IFT81: variants seen among roughly 807,000 people sequenced by gnomAD.
The protein encoded by IFT81 is intraflagellar transport protein 81 homolog.
Under a neutral mutation model 102.6 loss-of-function variants are expected in IFT81, and 72 were observed. That is an observed-to-expected ratio of 0.70 (90% CI 0.58 to 0.85). The LOEUF (loss-of-function observed/expected upper bound fraction) is 0.85. Ranked by LOEUF, IFT81 falls within the 40% of genes least tolerant of loss-of-function variation. The probability of loss-of-function intolerance (pLI) is 0.00; values close to 1 mark genes in which losing one functional copy is unlikely to be tolerated. For synonymous variants in IFT81, 237 were observed against 242.7 expected, an observed-to-expected ratio of 0.98 and a Z score of 0.22; for missense variants, 723 against 787.3, an observed-to-expected ratio of 0.92 and a Z score of 0.98.
chr12:110,143,951 T>G (rs760391677), intron 9 of IFT81, among the ~76,000 whole-genome samples: 9 of 151,870 alleles, frequency 5.9e-5, no homozygotes, highest in Non-Finnish European at 1.2e-4. Context: ...CTTGTATACC[T>G]GCCTTGGAAT....
chr12:110,172,533 C>T (rs1270389661), intron 11 of IFT81, among the ~76,000 whole-genome samples: 2 of 152,164 alleles, frequency 1.3e-5, no homozygotes, highest in Non-Finnish European at 2.9e-5. Flanking sequence ...ATTGCAGGCG[C>T]GCGCCGCCAC....
intron 18 of IFT81, among the ~76,000 whole-genome samples, 181 bp downstream of exon 18, chr12:110,209,397 C>T (rs1869110255): frequency 6.6e-6 from 1 of 152,016 alleles, no homozygotes; most frequent in Admixed American, 6.6e-5. Context: ...AATAAAGTCA[C>T]GATGGATTTT....
intron 18 of IFT81, among the ~76,000 whole-genome samples, chr12:110,216,052 T>C (rs56017468): frequency 0.08 from 12,178 of 152,270 alleles, 534 homozygotes; most frequent in Middle Eastern, 0.11. Flanking sequence ...TAACATTTAA[T>C]AACAAGGATA....
intron 11 of IFT81, among the ~76,000 whole-genome samples, chr12:110,164,347 T>C (rs2137447085): frequency 6.6e-6 from 1 of 152,298 alleles, no homozygotes; most frequent in East Asian, 1.9e-4. Context: ...CAGGAATGAA[T>C]GAATAAATGA....
chr12:110,204,008 T>A, intron 15 of IFT81, 58 bp downstream of exon 15: 1 of 1,044,374 alleles, frequency 9.6e-7, no homozygotes, highest in Non-Finnish European at 1.5e-6. Flanking sequence ...TGTACACCTG[T>A]AGTCCCAGCT....
intron 9 of IFT81, among the ~76,000 whole-genome samples, chr12:110,145,368 T>G (rs891380291): frequency 6.6e-6 from 1 of 151,790 alleles, no homozygotes; most frequent in Non-Finnish European, 1.5e-5. Context: ...GACTTGCTAA[T>G]TCTTTAGTGT....
chr12:110,143,101 A>G (rs1423301579), intron 8 of IFT81, among the ~76,000 whole-genome samples: 1 of 152,118 alleles, frequency 6.6e-6, no homozygotes, highest in Non-Finnish European at 1.5e-5. Context: ...ATTTTTGCGT[A>G]TTGCGGGATA....
intron 5 of IFT81, among the ~76,000 whole-genome samples, chr12:110,133,049 C>T (rs553526919): frequency 6.7e-6 from 1 of 148,952 alleles, no homozygotes; most frequent in Non-Finnish European, 1.5e-5. Context: ...CAGCTCACTA[C>T]AGTCTCGACA....
At position 110,192,603 on chromosome 12, in the gene IFT81, T is replaced by C; in HGVS notation, c.1468-14T>C. ...ATTCTTTTTTAGGTGTTATATTTTT[T>C]GTTCAAATAACAGGTGAAAAAACTG... On this transcript the variant is annotated splice_polypyrimidine_tract_variant and intron_variant, in intron 13 of 18. Coordinates refer to ENST00000242591, the MANE Select transcript of IFT81 (RefSeq NM_014055.4). 1 of 1,365,394 alleles carries C rather than the reference T, an allele frequency of 7.3e-7. No individual in the cohort carries two copies. Among genetic ancestry groups the C allele is most frequent in the Admixed American group, 2.3e-5 (1 of 42,786 alleles). 84.6% of individuals were successfully genotyped at this position (1,365,394 alleles called of 1,614,324 possible). A position where few individuals can be genotyped will look rare whatever the true frequency, so the allele number is the denominator to read the frequency against.
At position 110,218,393 on chromosome 12, in the gene IFT81, G is replaced by T; in HGVS notation, c.*167G>T. On this transcript the variant is annotated 3_prime_UTR_variant, in exon 19 of 19. Coordinates refer to ENST00000242591, the MANE Select transcript of IFT81 (RefSeq NM_014055.4). ...ATGTTAAGGTAGATTTAGTTTGAAT[G>T]TTTTTTCATATGAAAAAGAGGCTTT... The T allele has an allele frequency of 2.1e-6, 1 of 483,280 alleles. No individual in the cohort carries two copies. Among genetic ancestry groups the T allele is most frequent in the Non-Finnish European group, 3.5e-6 (1 of 285,090 alleles). The allele number at this position is 483,280 out of a possible 1,614,324, so 29.9% of individuals were successfully genotyped here.
At chr12:110,156,748 C>A (rs1895860776) in intron 10 of IFT81, among the ~76,000 whole-genome samples, 1 of 152,294 alleles carries the variant, frequency 6.6e-6, no homozygotes, top group East Asian at 1.9e-4. Flanking sequence ...CTGCCTGCCC[C>A]AGCCTTCCAA....
At chr12:110,145,996 G>C (rs755187092) in intron 9 of IFT81, among the ~76,000 whole-genome samples, 32 of 151,362 alleles carry the variant, frequency 2.1e-4, no homozygotes, top group Non-Finnish European at 2.1e-4. Context: ...ATTTTTAGTA[G>C]AGACGGGGTT....
rs576956179 is a variant in IFT81 at position 110,202,073 on chromosome 12, T to C, written c.1558-1791T>C. ...TATTATCATCAAGTATTATATACAG[T>C]ACATAATTGTATTGCTATACTTCTA... On this transcript the variant is annotated intron_variant, in intron 14 of 18. Coordinates refer to ENST00000242591, the MANE Select transcript of IFT81 (RefSeq NM_014055.4). 3.1e-4 allele frequency among the ~76,000 whole-genome samples: 47 copies of C among 152,360 alleles called. 1 individual carries two copies. Among genetic ancestry groups the C allele is most frequent in the African/African-American group, 9.9e-4 (41 of 41,590 alleles).
chr12:110,135,232 A>G, intron 6 of IFT81, 95 bp from the exon 7 acceptor site: 1 of 823,256 alleles, frequency 1.2e-6, no homozygotes, highest in Non-Finnish European at 2.0e-6. Context: ...CTGTTTACCA[A>G]AAGGAAATGA....
chr12:110,129,021 A>G lies in IFT81; in HGVS notation c.320A>G (p.Gln107Arg). ...TACCCAGTGCTCCACTGGCTTCTTCAGAGGACTAATGAACTGAAGAAAAGA... is the reference window on the plus strand; with the variant it reads ...TACCCAGTGCTCCACTGGCTTCTTCGGAGGACTAATGAACTGAAGAAAAGA... ...VIYPVLHWLL[Q>R]RTNELKKRAY... Residue 107 changes from glutamine to arginine, a missense_variant, in exon 4 of 19, where the codon CAG becomes CGG. Transcript: ENST00000242591. 1 of 1,611,852 alleles carries G rather than the reference A, an allele frequency of 6.2e-7. No homozygotes were observed. The highest frequency in any genetic ancestry group is 8.5e-7 in the Non-Finnish European group (1 of 1,179,360).
intron 14 of IFT81, among the ~76,000 whole-genome samples, chr12:110,199,329 C>T (rs992976543): frequency 9.2e-5 from 14 of 152,094 alleles, no homozygotes; most frequent in Non-Finnish European, 1.8e-4. Flanking sequence ...CTCTTGAATC[C>T]TGGCAGCCAG....
intron 11 of IFT81, among the ~76,000 whole-genome samples, chr12:110,167,265 T>A (rs1343512474): frequency 6.6e-6 from 1 of 152,216 alleles, no homozygotes; most frequent in Non-Finnish European, 1.5e-5. Flanking sequence ...AACATTTTAT[T>A]TTCATAAAGT....
chr12:110,162,331 C>CTTTTTTTT (rs1160267123), intron 10 of IFT81: 8 of 100,078 alleles, frequency 8.0e-5, no homozygotes, highest in Non-Finnish European at 1.2e-4. Flanking sequence ...TAATATTTTT[C>CTTTTTTTT]TTTTTTTTTT....
intron 10 of IFT81, among the ~76,000 whole-genome samples, chr12:110,151,719 AT>A (rs1403806572): frequency 6.6e-6 from 1 of 152,184 alleles, no homozygotes; most frequent in Non-Finnish European, 1.5e-5. Context: ...GTTAAGATAC[AT>A]TAACTATAAT....
Sources: gnomAD v4.1 joint callset for allele counts (sites outside exome capture counted in the v4.1 genomes callset) on GRCh38, gnomAD v4.1.1 for gene constraint, MANE v1.5 for transcripts, NCBI Gene and HGNC (gene_info 2026-07-23, HGNC 2026-07-21) for gene names.